The following VPS13D variants were observed in gnomAD, a reference collection of about 807,000 sequenced individuals.
The protein encoded by VPS13D is vacuolar protein sorting 13 homolog D, also known as intermembrane lipid transfer protein VPS13D.
A neutral mutation model predicts 461.9 loss-of-function variants in VPS13D; 187 were observed. The observed-to-expected ratio is 0.40, with a 90% confidence interval of 0.36 to 0.46. The LOEUF (loss-of-function observed/expected upper bound fraction) is 0.46. VPS13D is among the 20% of genes least tolerant of loss of function. The pLI, the probability that VPS13D is intolerant of heterozygous loss-of-function variation, is 0.60. For missense variants in VPS13D, 4,711 were observed against 5,364.9 expected, an observed-to-expected ratio of 0.88 and a Z score of 3.81; for synonymous variants, 1,951 against 1,986.3, an observed-to-expected ratio of 0.98 and a Z score of 0.47.
intron 46 of VPS13D, among the ~76,000 whole-genome samples, chr1:12,351,446 A>T (rs1643791479): frequency 6.6e-6 from 1 of 151,866 alleles, no homozygotes; most frequent in Non-Finnish European, 1.5e-5. Flanking sequence ...GCCTGCCACC[A>T]TGCCCAGCTA....
intron 69 of VPS13D, among the ~76,000 whole-genome samples, chr1:12,508,328 T>TA (rs747687681): frequency 2.0e-5 from 3 of 152,162 alleles, no homozygotes; most frequent in Non-Finnish European, 4.4e-5. Flanking sequence ...CTCTTGGTCT[T>TA]ACCTCTGCAG....
intron 11 of VPS13D, 26 bp from the exon 12 acceptor site, chr1:12,260,922 T>C: frequency 6.2e-7 from 1 of 1,614,104 alleles, no homozygotes; most frequent in Non-Finnish European, 8.5e-7. Context: ...TGAGTACTCA[T>C]CTCTGCTCCT....
Position 12,237,107 on chromosome 1 carries a change from G to GTA in VPS13D, c.97+2756_97+2757dup, listed in dbSNP as rs557560851. Among the ~76,000 whole-genome samples the GTA allele has an allele frequency of 1.2e-3, 179 of 150,354 alleles. 2 individuals carry two copies. The highest frequency in any genetic ancestry group is 8.7e-3 in the Admixed American group (131 of 14,980). ...TGTATATATATATGTGTGTATGTGTGTATATATATATATCTGTGTGTGTAT... is the reference window on the plus strand; with the variant it reads ...TGTATATATATATGTGTGTATGTGTGTATATATATATATATCTGTGTGTGTAT... On this transcript the variant is annotated intron_variant, in intron 2 of 69. Coordinates refer to ENST00000620676, the MANE Select transcript of VPS13D (RefSeq NM_015378.4).
intron 67 of VPS13D, among the ~76,000 whole-genome samples, chr1:12,479,321 C>T (rs542162133): frequency 6.6e-6 from 1 of 152,306 alleles, no homozygotes; most frequent in East Asian, 1.9e-4. Flanking sequence ...TGGCCAAACT[C>T]GGGACCTGCC....
chr1:12,425,473 C>T (rs1644913166), intron 65 of VPS13D, among the ~76,000 whole-genome samples: 2 of 151,770 alleles, frequency 1.3e-5, no homozygotes, highest in African/African-American at 4.8e-5. Context: ...ACAGGAGAAT[C>T]GCTTGAACCC....
rs1645391654 is a variant in VPS13D at position 12,460,228 on chromosome 1, T to C, written c.12494T>C (p.Ile4165Thr). The change falls in exon 67 of 70, where the codon ATA becomes ACA. Residue 4165 changes from isoleucine to threonine, a missense_variant. Physicochemically the swap from Ile to Thr is moderately conservative, Grantham distance 89 (BLOSUM62 -1). Around this residue, in one of 3 missense-constraint regions of VPS13D, gnomAD observed 106 missense variants for 206.2 expected, o/e 0.51. Transcript: ENST00000620676. Reference sequence around the variant, plus strand: ...ATCATTGGTGGACTGACCAGTGTTATAACTTCGACAGTGGAAGGTGTGAAA... The same window carrying C: ...ATCATTGGTGGACTGACCAGTGTTACAACTTCGACAGTGGAAGGTGTGAAA... ...HGIIGGLTSV[I>T]TSTVEGVKTE... is the part of the protein sequence containing the mutation. 1.2e-6 allele frequency: 2 copies of C among 1,608,688 alleles called. No individual in the cohort carries two copies.
intron 50 of VPS13D, among the ~76,000 whole-genome samples, chr1:12,360,596 G>C (rs573834069): frequency 7.2e-5 from 11 of 152,212 alleles, no homozygotes; most frequent in African/African-American, 2.4e-4. Context: ...CTTTTTATTA[G>C]ATATCACCTA....
chr1:12,412,801 G>T (rs1032387101), intron 63 of VPS13D, among the ~76,000 whole-genome samples: 1 of 152,166 alleles, frequency 6.6e-6, no homozygotes, highest in Non-Finnish European at 1.5e-5. Context: ...TGATAAGGCA[G>T]ATTTCCTTAA....
chr1:12,501,255 C>T (rs1442354036), intron 68 of VPS13D, among the ~76,000 whole-genome samples: 1 of 152,006 alleles, frequency 6.6e-6, no homozygotes, highest in East Asian at 1.9e-4. Flanking sequence ...AATAGCATAT[C>T]ATTATAAATA....
chr1:12,291,066 T>G lies in VPS13D; in HGVS notation c.5794T>G (p.Phe1932Val). 1.2e-6 allele frequency: 2 copies of G among 1,613,402 alleles called. No individual in the cohort carries two copies. The highest frequency in any genetic ancestry group is 1.7e-6 in the Non-Finnish European group (2 of 1,179,768). ...AAGTGACCTCACATGCCATGGAGAG[T>G]TCTACAGAGAACGGTTCACTACCAG... Reference protein sequence around the residue: ...SLSDLTCHGEFYRERFTTSGE... With the variant: ...SLSDLTCHGEVYRERFTTSGE... The change falls in exon 23 of 70, where the codon TTC (phenylalanine) becomes GTC (valine). Residue 1932 changes from phenylalanine to valine, a missense_variant. By Grantham distance (50) the Phe-to-Val change is conservative. Transcript: ENST00000620676.
chr1:12,281,063 A>AT (rs201362588), intron 20 of VPS13D, among the ~76,000 whole-genome samples: 4,405 of 138,528 alleles, frequency 0.032, 110 homozygotes, highest in African/African-American at 0.067. Flanking sequence ...TGTTTTATCT[A>AT]TTTTTTTTTT....
intron 24 of VPS13D, among the ~76,000 whole-genome samples, chr1:12,295,945 G>A (rs1212823577): frequency 1.3e-5 from 2 of 152,122 alleles, no homozygotes; most frequent in African/African-American, 2.4e-5. Context: ...TATAAAAATG[G>A]TATTAAACCG....
intron 65 of VPS13D, among the ~76,000 whole-genome samples, chr1:12,432,874 C>A (rs1267707192): frequency 2.0e-5 from 3 of 152,324 alleles, no homozygotes; most frequent in African/African-American, 7.2e-5. Flanking sequence ...GGATTACAGG[C>A]ATGAGCCACT....
chr1:12,492,464 G>A (rs538323720), intron 67 of VPS13D, among the ~76,000 whole-genome samples: 1 of 152,312 alleles, frequency 6.6e-6, no homozygotes, highest in Non-Finnish European at 1.5e-5. Flanking sequence ...GTAGCCACAC[G>A]TGGTCAGTAG....
chr1:12,358,003 C>CAAAA (rs77316375), intron 49 of VPS13D, among the ~76,000 whole-genome samples: 1 of 96,730 alleles, frequency 1.0e-5, no homozygotes, highest in Non-Finnish European at 2.3e-5. Flanking sequence ...GATTCCACCT[C>CAAAA]AAAAAAAAAA....
chr1:12,257,205 A>G, intron 9 of VPS13D, 118 bp downstream of exon 9: 1 of 826,520 alleles, frequency 1.2e-6, no homozygotes, highest in Non-Finnish European at 2.0e-6. Flanking sequence ...AGTACAGTTG[A>G]TTTTTCTGGT....
intron 10 of VPS13D, among the ~76,000 whole-genome samples, chr1:12,258,431 A>G (rs1369613925): frequency 1.3e-5 from 2 of 152,192 alleles, no homozygotes; most frequent in East Asian, 1.9e-4. Context: ...CCCAGTCCTA[A>G]TTCTCTTACT....
intron 67 of VPS13D, among the ~76,000 whole-genome samples, chr1:12,493,056 C>T (rs920998481): frequency 4.1e-5 from 6 of 147,086 alleles, no homozygotes; most frequent in South Asian, 2.1e-4. Flanking sequence ...TTGTGGTCCA[C>T]GATTGAGTGA....
At chr1:12,358,893 G>A (rs930251129) in intron 50 of VPS13D, among the ~76,000 whole-genome samples, 1 of 152,036 alleles carries the variant, frequency 6.6e-6, no homozygotes, top group Non-Finnish European at 1.5e-5. Flanking sequence ...TGTTTTTCGG[G>A]GGAATAATAG....
Sources: gnomAD v4.1 joint callset for allele counts (sites outside exome capture counted in the v4.1 genomes callset) on GRCh38, gnomAD v4.1.1 for gene constraint, gnomAD v4.1.1 regional missense constraint, MANE v1.5 for transcripts, NCBI Gene and HGNC (gene_info 2026-07-23, HGNC 2026-07-21) for gene names.